The following MAP4K4 variants were observed in gnomAD, a reference collection of about 807,000 sequenced individuals.
MAP4K4 encodes the protein mitogen-activated protein kinase kinase kinase kinase 4.
A neutral mutation model predicts 189.6 loss-of-function variants in MAP4K4; 38 were observed. The ratio of observed to expected loss-of-function variants is 0.20; its 90% CI spans 0.15 to 0.26. MAP4K4 has a LOEUF of 0.26. MAP4K4 is among the 10% of genes least tolerant of loss of function. The pLI, the probability that MAP4K4 is intolerant of heterozygous loss-of-function variation, is 1.00. For missense variants in MAP4K4, 1,054 were observed against 1,726.9 expected (o/e 0.61, Z 6.91); for synonymous variants, 610 against 624.3 (o/e 0.98, Z 0.34).
intron 2 of MAP4K4, among the ~76,000 whole-genome samples, chr2:101,744,275 C>T (rs1224926647): frequency 1.3e-5 from 2 of 152,136 alleles, no homozygotes; most frequent in African/African-American, 4.8e-5. Flanking sequence ...AGCCATACTG[C>T]TATCACTTCA....
chr2:101,773,787 A>G (rs902187726), intron 2 of MAP4K4, among the ~76,000 whole-genome samples: 1 of 152,052 alleles, frequency 6.6e-6, no homozygotes, highest in Non-Finnish European at 1.5e-5. Flanking sequence ...TATCTCCATG[A>G]GTTCAATTGG....
At chr2:101,729,327 A>G (rs570948756) in intron 2 of MAP4K4, among the ~76,000 whole-genome samples, 1 of 152,294 alleles carries the variant, frequency 6.6e-6, no homozygotes, top group African/African-American at 2.4e-5. Flanking sequence ...ATTTGTGTGC[A>G]GTACAGCCAG....
intron 9 of MAP4K4, among the ~76,000 whole-genome samples, chr2:101,837,670 T>C (rs537611603): frequency 1.2e-4 from 18 of 152,144 alleles, no homozygotes; most frequent in Non-Finnish European, 2.4e-4. Flanking sequence ...AGTTCATGCT[T>C]TAATTAAGTA....
At chr2:101,813,242 C>T (rs1323935469) in intron 3 of MAP4K4, among the ~76,000 whole-genome samples, 1 of 152,084 alleles carries the variant, frequency 6.6e-6, no homozygotes, top group Non-Finnish European at 1.5e-5. Flanking sequence ...GTATTTTCAA[C>T]AATAATCTTT....
intron 2 of MAP4K4, among the ~76,000 whole-genome samples, chr2:101,787,481 G>A (rs1368760024): frequency 1.3e-5 from 2 of 152,184 alleles, no homozygotes; most frequent in African/African-American, 4.8e-5. Flanking sequence ...GCCAGGAGAG[G>A]TGTGCTAAGG....
intron 22 of MAP4K4, 39 bp downstream of exon 22, chr2:101,869,836 C>G (rs1283112106): frequency 6.8e-7 from 1 of 1,475,380 alleles, no homozygotes; most frequent in Non-Finnish European, 9.0e-7. Flanking sequence ...TGAGAGTATT[C>G]TCTCAGAGCC....
intron 32 of MAP4K4, 88 bp downstream of exon 32, chr2:101,889,023 G>C (rs542378069): frequency 2.5e-6 from 3 of 1,186,736 alleles, no homozygotes; most frequent in Non-Finnish European, 3.4e-6. Flanking sequence ...AATTTCCTTG[G>C]AGTTTTGATA....
chr2:101,809,470 T>G (rs1309421502), intron 3 of MAP4K4, among the ~76,000 whole-genome samples: 1 of 152,190 alleles, frequency 6.6e-6, no homozygotes, highest in African/African-American at 2.4e-5. Context: ...ACTGATAAAG[T>G]ATTTGTCATT....
intron 24 of MAP4K4, among the ~76,000 whole-genome samples, chr2:101,873,081 C>T (rs1305091000): frequency 6.6e-6 from 1 of 152,106 alleles, no homozygotes; most frequent in East Asian, 1.9e-4. Flanking sequence ...AAAGATACGC[C>T]TTCTTTTGTC....
At chr2:101,740,935 C>A (rs1436679693) in intron 2 of MAP4K4, among the ~76,000 whole-genome samples, 2 of 152,072 alleles carry the variant, frequency 1.3e-5, no homozygotes, top group Non-Finnish European at 1.5e-5. Flanking sequence ...AGACCCTGAA[C>A]TGTTTACCCT....
At chr2:101,834,234 C>A (rs560867709) in intron 7 of MAP4K4, among the ~76,000 whole-genome samples, 175 bp from the exon 8 acceptor site, 11 of 142,692 alleles carry the variant, frequency 7.7e-5, no homozygotes, top group East Asian at 4.1e-4. Flanking sequence ...CCATCCCTCC[C>A]TTCCTCCCCT....
chr2:101,763,158 C>T (rs1039221887), intron 2 of MAP4K4, among the ~76,000 whole-genome samples: 16 of 152,166 alleles, frequency 1.1e-4, no homozygotes, highest in African/African-American at 3.4e-4. Context: ...GTCATTAGCA[C>T]AGTCTTCCAG....
At chr2:101,803,124 A>G (rs748462830) in intron 3 of MAP4K4, among the ~76,000 whole-genome samples, 17 of 152,302 alleles carry the variant, frequency 1.1e-4, no homozygotes, top group Non-Finnish European at 2.2e-4. Context: ...TGCAAATTCA[A>G]TGCCTAGCAT....
intron 3 of MAP4K4, among the ~76,000 whole-genome samples, chr2:101,805,719 G>A (rs574657622): frequency 7.2e-5 from 11 of 152,172 alleles, no homozygotes; most frequent in Non-Finnish European, 1.5e-4. Context: ...AACTGCAGGA[G>A]TCCTGAGAAA....
intron 2 of MAP4K4, among the ~76,000 whole-genome samples, chr2:101,752,333 C>G (rs2069514091): frequency 1.3e-5 from 2 of 152,156 alleles, no homozygotes; most frequent in Admixed American, 1.3e-4. Context: ...AGGTTGTATT[C>G]ACAGTGCACC....
intron 2 of MAP4K4, among the ~76,000 whole-genome samples, chr2:101,715,621 A>G (rs2047960475): frequency 6.6e-6 from 1 of 152,170 alleles, no homozygotes; most frequent in Non-Finnish European, 1.5e-5. Context: ...TCCAGTGAAC[A>G]TTTAGTTTGA....
At chr2:101,731,274 G>A (rs1409391457) in intron 2 of MAP4K4, among the ~76,000 whole-genome samples, 1 of 151,386 alleles carries the variant, frequency 6.6e-6, no homozygotes. Context: ...GTGCCACCAT[G>A]CCTGGCTCAT....
At chr2:101,874,184 G>A (rs1204462176) in exon 26 of MAP4K4, 2 of 1,613,700 alleles carry the variant, frequency 1.2e-6, no homozygotes, top group Non-Finnish European at 1.7e-6. Context: ...AGGCCACAGA[G>A]TGACACCCCG....
At chr2:101,721,352 A>G (rs1165360425) in intron 2 of MAP4K4, among the ~76,000 whole-genome samples, 1 of 150,958 alleles carries the variant, frequency 6.6e-6, no homozygotes, top group Non-Finnish European at 1.5e-5. Flanking sequence ...TTTGTAAAGG[A>G]GGGATAGCTG....
Sources: gnomAD v4.1 joint callset for allele counts (sites outside exome capture counted in the v4.1 genomes callset) on GRCh38, gnomAD v4.1.1 for gene constraint, MANE v1.5 for transcripts, NCBI Gene and HGNC (gene_info 2026-07-23, HGNC 2026-07-21) for gene names.